The following U2AF1L4 variants were observed in gnomAD, a reference collection of about 807,000 sequenced individuals.
U2AF1L4 encodes U2 small nuclear RNA auxiliary factor 1 like 4.
U2AF1L4 carries 21 observed loss-of-function variants against 21.7 expected under a neutral mutation model. That is an observed-to-expected ratio of 0.97 (90% confidence interval 0.69 to 1.39). U2AF1L4 has a LOEUF of 1.39. Among genes scored for constraint, U2AF1L4 ranks in the 40% most tolerant of loss-of-function variants. The probability of loss-of-function intolerance (pLI) is 0.00; values close to 1 mark genes in which losing one functional copy is unlikely to be tolerated. For synonymous variants in U2AF1L4, 92 were observed against 89.7 expected, an observed-to-expected ratio of 1.03 and a Z score of -0.15; for missense variants, 259 against 245.7, an observed-to-expected ratio of 1.05 and a Z score of -0.36.
intron 5 of U2AF1L4, chr19:35,743,317 G>C (rs1299433968): frequency 3.9e-6 from 1 of 254,652 alleles, no homozygotes; most frequent in Non-Finnish European, 7.5e-6. Context: ...AGGTTGCACT[G>C]AGCCAAGACT....
In U2AF1L4 at chr19:35,744,117, GC is replaced by G; in HGVS notation, c.259del (p.Ala87ProfsTer136). On this transcript the variant is annotated frameshift_variant, in exon 4 of 6. Transcript: ENST00000378975. LOFTEE classifies it high-confidence loss of function. The stretch of plus-strand genomic sequence containing the variant: ...CCAGCGGTTACTGAGTTCAGCCACG[GC>G]CCGCTCTCCATCCTCCTCCCTCCGG... ...KFRREEDGERAVAELSNRWFN... is the reference protein window; with the variant it reads ...KFRREEDGERXVAELSNRWFN... 6.2e-7 allele frequency: 1 copy of G among 1,613,950 alleles called. No individual in the cohort carries two copies.
chr19:35,742,837 C>A (rs1271045043), intron 5 of U2AF1L4, 34 bp from the exon 6 acceptor site: 1 of 1,587,336 alleles, frequency 6.3e-7, no homozygotes, highest in African/African-American at 1.3e-5. Flanking sequence ...TCTGTTAGAA[C>A]CCTGAGGAGT....
At position 35,742,812 on chromosome 19, in the gene U2AF1L4, A is replaced by G. The variant is rs145069167; in HGVS notation, c.462-9T>C. The G allele has an allele frequency of 3.7e-5, 60 of 1,608,108 alleles. 1 individual carries two copies. The Middle Eastern group carries it at 8.4e-4, about 22-fold the overall frequency. ...GGAACCTCGGGGGTGACCTGGGAAT[A>G]GGAGCGTTGAGAGTTCTGTTAGAAC... On this transcript the variant is annotated splice_polypyrimidine_tract_variant and intron_variant, in intron 5 of 5. Transcript: ENST00000378975.
At chr19:35,742,511 C>G, downstream of U2AF1L4, 1 of 1,595,246 alleles carries the variant, frequency 6.3e-7, no homozygotes, top group Non-Finnish European at 8.5e-7. Flanking sequence ...AAATGCCAAA[C>G]CACAGCAAAA....
chr19:35,742,965 G>C lies in U2AF1L4; in HGVS notation c.462-162C>G, dbSNP rs548178841. 5.7e-6 allele frequency: 4 copies of C among 704,804 alleles called. No individual in the cohort carries two copies. The South Asian group carries it at 6.7e-5, about 12-fold the overall frequency. The allele number at this position is 704,804 out of a possible 1,614,324, so 43.7% of individuals were successfully genotyped here. ...CAGTATCAGGGGAACTCAGTGGCCA[G>C]TATCAGGGGTGGCAATCCAGGCTGG... is the stretch of plus-strand genomic sequence containing the variant. On this transcript the variant is annotated intron_variant, in intron 5 of 5. Coordinates refer to ENST00000378975, the MANE Select transcript of U2AF1L4 (RefSeq NM_001040425.3).
At chr19:35,744,511 G>C in intron 2 of U2AF1L4, 90 bp from the exon 3 acceptor site, 1 of 1,609,360 alleles carries the variant, frequency 6.2e-7, no homozygotes, top group Non-Finnish European at 8.5e-7. Flanking sequence ...CTATCATAGT[G>C]CTCCTGCACC....
intron 5 of U2AF1L4, chr19:35,743,104 G>T: frequency 2.3e-6 from 1 of 443,054 alleles, no homozygotes; most frequent in East Asian, 4.8e-5. Flanking sequence ...CGGGCGCAGT[G>T]GTTCACGCCT....
In U2AF1L4 at chr19:35,743,879, T is replaced by C; in HGVS notation, c.391A>G (p.Asn131Asp). 6.2e-7 allele frequency: 1 copy of C among 1,613,672 alleles called. No homozygotes were observed. Among genetic ancestry groups the C allele is most frequent in the Non-Finnish European group, 8.5e-7 (1 of 1,179,822 alleles). The change falls in exon 5 of 6, where the codon AAC becomes GAC. Residue 131 changes from asparagine (N) to aspartate (D), a missense_variant. Asn to Asp is a conservative substitution (Grantham distance 23). Transcript: ENST00000378975. ...GAAATGGGCCGCAGATGCATGAAGT[T>C]GCAGAAGCCACCTCGGGTACATTCC... ...MGECTRGGFC[N>D]FMHLRPISQN... is the part of the protein sequence containing the mutation.
chr19:35,743,947 C>G (rs1219907264), intron 4 of U2AF1L4, 43 bp from the exon 5 acceptor site: 1 of 1,609,026 alleles, frequency 6.2e-7, no homozygotes, highest in Non-Finnish European at 8.5e-7. Flanking sequence ...TTGTCACTGA[C>G]AGCCCCTACC....
intron 1 of U2AF1L4, 52 bp from the exon 2 acceptor site, chr19:35,745,264 C>G (rs566136339): frequency 1.9e-6 from 3 of 1,603,012 alleles, no homozygotes; most frequent in Non-Finnish European, 2.6e-6. Context: ...AAGCTGGGCA[C>G]CCCAGAAACA....
intron 1 of U2AF1L4, 42 bp downstream of exon 1, chr19:35,745,306 G>GC: frequency 6.3e-7 from 1 of 1,594,710 alleles, no homozygotes; most frequent in African/African-American, 1.3e-5. Context: ...CAGTACCCCG[G>GC]CCCCGACCCC....
chr19:35,743,712 T>G, intron 5 of U2AF1L4, 97 bp downstream of exon 5: 1 of 929,440 alleles, frequency 1.1e-6, no homozygotes, highest in Non-Finnish European at 1.6e-6. Context: ...AAAAAAAGAT[T>G]CTTGGGAACG....
rs187720109 is a variant in U2AF1L4, at chr19:35,742,788, G to C, written c.477C>G (p.Phe159Leu). ...TCTCTCGGGGATGGTGGCCAGTATG[G>C]AACCTCGGGGGTGACCTGGGAATAG... Reference protein sequence around the residue: ...RGPRRRSPPRFHTGHHPRERN... With the variant: ...RGPRRRSPPRLHTGHHPRERN... The change falls in exon 6 of 6, where the codon TTC becomes TTG. Residue 159 changes from phenylalanine to leucine, a missense_variant. Coordinates refer to ENST00000378975, the MANE Select transcript of U2AF1L4 (RefSeq NM_001040425.3). The C allele has an allele frequency of 1.1e-4, 181 of 1,611,096 alleles. No homozygotes were observed. The highest frequency in any genetic ancestry group is 1.5e-4 in the Non-Finnish European group (175 of 1,179,650).
chr19:35,744,089 G>C lies in U2AF1L4; in HGVS notation c.288C>G (p.Phe96Leu). ...RAVAELSNRW[F>L]NGQAVHGELS... Reference sequence around the variant, plus strand: ...GCTCACCGTGCACAGCCTGCCCGTTGAACCAGCGGTTACTGAGTTCAGCCA... The same window carrying C: ...GCTCACCGTGCACAGCCTGCCCGTTCAACCAGCGGTTACTGAGTTCAGCCA... Residue 96 changes from phenylalanine to leucine, a missense_variant, in exon 4 of 6, where the codon TTC becomes TTG. Transcript: ENST00000378975. 6.2e-7 allele frequency: 1 copy of C among 1,614,000 alleles called. No individual in the cohort carries two copies. Among genetic ancestry groups the C allele is most frequent in the Non-Finnish European group, 8.5e-7 (1 of 1,180,020 alleles).
chr19:35,743,525 TA>T (rs985437529), intron 5 of U2AF1L4: 16 of 426,696 alleles, frequency 3.7e-5, no homozygotes, highest in Non-Finnish European at 6.5e-5. Context: ...CCATCTCTAC[TA>T]AAAACACAAA....
In U2AF1L4 at chr19:35,744,067, C is replaced by G; in HGVS notation, c.310G>C (p.Glu104Gln). The G allele has an allele frequency of 6.2e-7, 1 of 1,614,070 alleles. No homozygotes were observed. ...RWFNGQAVHG[E>Q]LSPVTDFRES... ...CGGAAGTCAGTGACAGGAGACAGCT[C>G]ACCGTGCACAGCCTGCCCGTTGAAC... The change falls in exon 4 of 6, where the codon GAG (glutamate) becomes CAG (glutamine). Residue 104 changes from glutamate (E) to glutamine (Q), a missense_variant. Transcript: ENST00000378975.
chr19:35,744,851 GAGGGGACTGGC>G, intron 2 of U2AF1L4: 1 of 871,676 alleles, frequency 1.1e-6, no homozygotes, highest in Non-Finnish European at 1.8e-6. Context: ...AAAAGGGATG[GAGGGGACTGGC>G]AAGGATGAAC....
At chr19:35,744,856 G>A (rs1440189894) in intron 2 of U2AF1L4, 9 of 839,316 alleles carry the variant, frequency 1.1e-5, no homozygotes, top group African/African-American at 1.7e-5. Context: ...GGATGGAGGG[G>A]ACTGGCAAGG....
chr19:35,743,948 A>G, intron 4 of U2AF1L4, 44 bp from the exon 5 acceptor site: 1 of 1,609,308 alleles, frequency 6.2e-7, no homozygotes, highest in Non-Finnish European at 8.5e-7. Flanking sequence ...TGTCACTGAC[A>G]GCCCCTACCA....
Sources: gnomAD v4.1 joint callset for allele counts on GRCh38, gnomAD v4.1.1 for gene constraint, MANE v1.5 for transcripts, NCBI Gene and HGNC (gene_info 2026-07-23, HGNC 2026-07-21) for gene names.